Variants in ANKRD31 observed in about 807,000 individuals in gnomAD.
The protein encoded by ANKRD31 is ankyrin repeat domain 31.
A neutral mutation model predicts 186.0 loss-of-function variants in ANKRD31; 147 were observed. That is an observed-to-expected ratio of 0.79 (90% confidence interval 0.69 to 0.91). The LOEUF is 0.91. Among genes scored for constraint, ANKRD31 ranks in the 40% least tolerant of loss-of-function variants. ANKRD31 has a pLI of 0.00. For synonymous variants in ANKRD31, 673 were observed against 736.4 expected (o/e 0.91, Z 1.39); for missense variants, 1,986 against 2,148.8 (o/e 0.92, Z 1.50).
Position 75,169,002 on chromosome 5 carries a change from C to T in ANKRD31, c.1684G>A (p.Ala562Thr), listed in dbSNP as rs1349926194. The T allele has an allele frequency of 3.9e-6, 6 of 1,536,134 alleles. No individual in the cohort carries two copies. In the Admixed American group the frequency reaches 5.9e-5, roughly 15 times the overall value. Reference sequence around the variant, plus strand: ...ACCTTATAATGTCCATTCATCACTGCATCATGTAGGGGAGTAATCTGGTAT... The same window carrying T: ...ACCTTATAATGTCCATTCATCACTGTATCATGTAGGGGAGTAATCTGGTAT... ...GLYQITPLHD[A>T]VMNGHYKVAE... The change falls in exon 11 of 26, where the codon GCA becomes ACA. Residue 562 changes from alanine to threonine, a missense_variant. Ala to Thr is a moderately conservative substitution (Grantham distance 58). Coordinates refer to ENST00000506364, the MANE Select transcript of ANKRD31 (RefSeq NM_001372053.1).
intron 25 of ANKRD31, among the ~76,000 whole-genome samples, chr5:75,069,888 T>G (rs1744080197): frequency 1.3e-5 from 2 of 152,252 alleles, no homozygotes; most frequent in South Asian, 4.2e-4. Flanking sequence ...CCTGGAAGCA[T>G]GTAGCCCTGG....
chr5:75,192,023 C>A (rs1027654453), intron 9 of ANKRD31, among the ~76,000 whole-genome samples: 3 of 151,986 alleles, frequency 2.0e-5, no homozygotes, highest in Non-Finnish European at 4.4e-5. Context: ...ACGTATGCAT[C>A]CAGACACATG....
chr5:75,195,655 A>C lies in ANKRD31; in HGVS notation c.993T>G (p.Asn331Lys). The C allele has an allele frequency of 6.5e-7, 1 of 1,531,486 alleles. No individual in the cohort carries two copies. Among genetic ancestry groups the C allele is most frequent in the South Asian group, 1.2e-5 (1 of 82,650 alleles). The allele number at this position is 1,531,486 out of a possible 1,614,324, so 94.9% of individuals were successfully genotyped here. The change falls in exon 7 of 26, where the codon AAT (asparagine) becomes AAG (lysine). Residue 331 changes from asparagine to lysine, a missense_variant. Physicochemically the swap from Asn to Lys is moderately conservative, Grantham distance 94. Coordinates refer to ENST00000506364, the MANE Select transcript of ANKRD31 (RefSeq NM_001372053.1). Reference protein sequence around the residue: ...LEVEFNTSQTNEDCTQIAETL... With the variant: ...LEVEFNTSQTKEDCTQIAETL... ...CCTCTGCTATTTGTGTACAATCTTC[A>C]TTGGTCTGAGACGTATTGAACTCCA...
Position 75,068,650 on chromosome 5 carries a change from A to G in ANKRD31, c.5662T>C (p.Ser1888Pro). Residue 1888 changes from serine (S) to proline (P), a missense_variant, in exon 26 of 26, where the codon TCA (serine) becomes CCA (proline). By Grantham distance (74) the Ser-to-Pro change is moderately conservative. Transcript: ENST00000506364. Reference protein sequence around the residue: ...TKFGQGTSRESMQSSPRYLQI... With the variant: ...TKFGQGTSREPMQSSPRYLQI... The stretch of plus-strand genomic sequence containing the variant: ...AGATAACGTGGGCTGCTTTGCATTG[A>G]CTCTCTGGAAGTTCCTGTTTAAAGA... 1 of 1,504,332 alleles carries G rather than the reference A, an allele frequency of 6.6e-7. No individual in the cohort carries two copies. Among genetic ancestry groups the G allele is most frequent in the Non-Finnish European group, 8.8e-7 (1 of 1,133,790 alleles). The allele number at this position is 1,504,332 out of a possible 1,614,324, so 93.2% of individuals were successfully genotyped here.
chr5:75,222,193 G>A (rs1036259704), intron 3 of ANKRD31, 56 bp downstream of exon 3: 4 of 1,291,608 alleles, frequency 3.1e-6, no homozygotes, highest in Non-Finnish European at 4.2e-6. Context: ...TTGCCACTCT[G>A]AGCGATAGCA....
At chr5:75,123,810 G>T (rs1052121874) in intron 17 of ANKRD31, among the ~76,000 whole-genome samples, 1 of 151,956 alleles carries the variant, frequency 6.6e-6, no homozygotes, top group Non-Finnish European at 1.5e-5. Context: ...TTAAATTTGT[G>T]ATCTGAAACT....
At chr5:75,085,071 T>G (rs1266835805) in intron 23 of ANKRD31, among the ~76,000 whole-genome samples, 1 of 152,128 alleles carries the variant, frequency 6.6e-6, no homozygotes, top group East Asian at 1.9e-4. Flanking sequence ...CAGAGGTTAG[T>G]TCACTGTGGG....
intron 10 of ANKRD31, 117 bp downstream of exon 10, chr5:75,188,376 T>C: frequency 1.0e-6 from 1 of 998,684 alleles, no homozygotes; most frequent in Non-Finnish European, 1.4e-6. Context: ...GAAAATGATC[T>C]GAAAGCCTTC....
intron 11 of ANKRD31, among the ~76,000 whole-genome samples, chr5:75,167,648 T>C (rs563473189): frequency 4.6e-5 from 7 of 152,308 alleles, no homozygotes; most frequent in Admixed American, 3.3e-4. Flanking sequence ...GCCTGTGTCT[T>C]TGGTTCCTTT....
chr5:75,101,504 A>G (rs1438677861), intron 22 of ANKRD31, among the ~76,000 whole-genome samples: 2 of 152,046 alleles, frequency 1.3e-5, no homozygotes, highest in Non-Finnish European at 2.9e-5. Flanking sequence ...CTCCTGGATA[A>G]TATCCTGAAG....
At chr5:75,206,793 G>T (rs1756282578) in intron 4 of ANKRD31, among the ~76,000 whole-genome samples, 1 of 152,106 alleles carries the variant, frequency 6.6e-6, no homozygotes, top group Non-Finnish European at 1.5e-5. Flanking sequence ...GGGCAGGAAG[G>T]TCAGGGAGAA....
In ANKRD31 at chr5:75,147,030, C is replaced by G; in HGVS notation, c.2381G>C (p.Gly794Ala). 2.0e-6 allele frequency: 3 copies of G among 1,536,334 alleles called. No homozygotes were observed. The highest frequency in any genetic ancestry group is 2.6e-6 in the Non-Finnish European group (3 of 1,146,316). Residue 794 changes from glycine to alanine, a missense_variant, in exon 14 of 26, where the codon GGA becomes GCA. Transcript: ENST00000506364. The stretch of plus-strand genomic sequence containing the variant: ...ACAAGCCTCAGTACTGCTATCTAAT[C>G]CATTTCTCAGGCTTGACAGAGTTAA... Reference protein sequence around the residue: ...SSLTLSSLRNGLDSSTEACSV... With the variant: ...SSLTLSSLRNALDSSTEACSV...
At chr5:75,213,703 T>C (rs1756791625) in intron 3 of ANKRD31, among the ~76,000 whole-genome samples, 1 of 152,008 alleles carries the variant, frequency 6.6e-6, no homozygotes, top group Admixed American at 6.6e-5. Context: ...TTTCTTGTTG[T>C]TTTTTTTGTT....
At chr5:75,088,449 C>G (rs1172493362) in intron 23 of ANKRD31, among the ~76,000 whole-genome samples, 1 of 152,140 alleles carries the variant, frequency 6.6e-6, no homozygotes, top group East Asian at 1.9e-4. Flanking sequence ...AAAAATAAAC[C>G]ATCATTTCCA....
At chr5:75,139,424 C>A (rs1275753167) in intron 15 of ANKRD31, among the ~76,000 whole-genome samples, 1 of 152,096 alleles carries the variant, frequency 6.6e-6, no homozygotes, top group African/African-American at 2.4e-5. Flanking sequence ...ATTTTTCTTT[C>A]ACAAAATGTG....
chr5:75,193,564 A>T lies in ANKRD31; in HGVS notation c.1045T>A (p.Leu349Met), dbSNP rs1267174126. 6.5e-7 allele frequency: 1 copy of T among 1,536,544 alleles called. No individual in the cohort carries two copies. Residue 349 changes from leucine to methionine, a missense_variant, in exon 8 of 26, where the codon TTG becomes ATG. Coordinates refer to ENST00000506364, the MANE Select transcript of ANKRD31 (RefSeq NM_001372053.1). ...ETLQDPNPSG[L>M]QTLAHQNITS... ...ATATTTTGATGAGCCAAAGTTTGCAATCCAGATGGATTTGGGTCTTGCAGA... is the reference window on the plus strand; with the variant it reads ...ATATTTTGATGAGCCAAAGTTTGCATTCCAGATGGATTTGGGTCTTGCAGA...
Position 75,210,938 on chromosome 5 carries a change from T to A in ANKRD31, c.289-73A>T, listed in dbSNP as rs74604788. ...ATGCAACAAGCTAAAAAAATTAACATTTAAAGTAATTTTTGTGTTATTCTT... is the reference window on the plus strand; with the variant it reads ...ATGCAACAAGCTAAAAAAATTAACAATTAAAGTAATTTTTGTGTTATTCTT... On this transcript the variant is annotated intron_variant, in intron 3 of 25. Transcript: ENST00000506364. 3.2e-3 allele frequency: 3,343 copies of A among 1,034,326 alleles called. 13 individuals are homozygous for A. Among genetic ancestry groups the A allele is most frequent in the Non-Finnish European group, 3.5e-3 (2,583 of 729,698 alleles). 64.1% of individuals were successfully genotyped at this position (1,034,326 alleles called of 1,614,324 possible).
chr5:75,233,859 G>A lies in ANKRD31; in HGVS notation c.104+2724C>T, dbSNP rs970250338. On this transcript the variant is annotated intron_variant, in intron 1 of 25. Transcript: ENST00000506364. Reference sequence around the variant, plus strand: ...TGAACCTGGGTGGATGGAAGCTGCCGTGAGCTGAGATCATGCTACTGCACT... The same window carrying A: ...TGAACCTGGGTGGATGGAAGCTGCCATGAGCTGAGATCATGCTACTGCACT... Among the ~76,000 whole-genome samples the A allele has an allele frequency of 3.3e-5, 5 of 152,050 alleles. No homozygotes were observed. In the South Asian group the frequency reaches 8.3e-4, roughly 25 times the overall value.
intron 2 of ANKRD31, 62 bp from the exon 3 acceptor site, chr5:75,222,420 C>A: frequency 8.3e-7 from 1 of 1,199,108 alleles, no homozygotes; most frequent in Non-Finnish European, 1.2e-6. Context: ...TTGATAATGG[C>A]CCAATAATTT....
Sources: allele counts gnomAD v4.1 joint callset (sites outside exome capture counted in the v4.1 genomes callset), GRCh38; gene constraint gnomAD v4.1.1; transcripts MANE v1.5; gene names NCBI Gene and HGNC (gene_info 2026-07-23, HGNC 2026-07-21).